DNER: variants seen among roughly 807,000 people sequenced by gnomAD.
The protein encoded by DNER is delta and Notch-like epidermal growth factor-related receptor.
A neutral mutation model predicts 78.2 loss-of-function variants in DNER; 33 were observed. That is an observed-to-expected ratio of 0.42 (90% CI 0.32 to 0.56). DNER has a LOEUF of 0.56. Ranked by LOEUF, DNER falls within the 20% of genes least tolerant of loss-of-function variation. DNER has a pLI of 0.11. For synonymous variants in DNER, 417 were observed against 384.8 expected (o/e 1.08, Z -0.98); for missense variants, 918 against 975.3 (o/e 0.94, Z 0.78).
intron 1 of DNER, among the ~76,000 whole-genome samples, chr2:229,595,618 T>C (rs1209651221): frequency 6.6e-6 from 1 of 152,184 alleles, no homozygotes; most frequent in African/African-American, 2.4e-5. Context: ...CTGTCTGTAA[T>C]GTGCCTGCCC....
chr2:229,608,655 A>C lies in DNER; in HGVS notation c.277-16767T>G, dbSNP rs568814991. Reference sequence around the variant, plus strand: ...GTGCACATTTTATGCCTATATTGTAAAAATATTTTAAGAGATGAAAGCTTA... The same window carrying C: ...GTGCACATTTTATGCCTATATTGTACAAATATTTTAAGAGATGAAAGCTTA... On this transcript the variant is annotated intron_variant, in intron 1 of 12. Transcript: ENST00000341772. 5.9e-5 allele frequency among the ~76,000 whole-genome samples: 9 copies of C among 152,314 alleles called. No homozygotes were observed. In the East Asian group the frequency reaches 1.4e-3, roughly 23 times the overall value.
At position 229,357,784 on chromosome 2, in the gene DNER, A is replaced by T. The variant is rs899814782; in HGVS notation, c.*756T>A. On this transcript the variant is annotated 3_prime_UTR_variant, in exon 13 of 13. Coordinates refer to ENST00000341772, the MANE Select transcript of DNER (RefSeq NM_139072.4). ...ACTGAAGGAACCAGTACTCTCTTACATTTACTACCTCTTAGCAACAAACAA... is the reference window on the plus strand; with the variant it reads ...ACTGAAGGAACCAGTACTCTCTTACTTTTACTACCTCTTAGCAACAAACAA... 2.0e-5 allele frequency: 3 copies of T among 152,208 alleles called. No individual in the cohort carries two copies. The highest frequency in any genetic ancestry group is 7.2e-5 in the African/African-American group (3 of 41,450). The allele number at this position is 152,208 out of a possible 1,614,324, so 9.4% of individuals were successfully genotyped here.
chr2:229,395,573 G>C (rs1246359024), intron 10 of DNER, among the ~76,000 whole-genome samples: 5 of 152,198 alleles, frequency 3.3e-5, no homozygotes, highest in African/African-American at 1.2e-4. Context: ...ACCTGCTCAA[G>C]TGTTCAGCCC....
intron 5 of DNER, among the ~76,000 whole-genome samples, chr2:229,531,147 C>T (rs1696292666): frequency 6.6e-6 from 1 of 152,204 alleles, no homozygotes; most frequent in African/African-American, 2.4e-5. Context: ...GCAGATATGT[C>T]AGCTCTGCCC....
intron 12 of DNER, among the ~76,000 whole-genome samples, chr2:229,365,952 C>T (rs1050171444): frequency 2.0e-5 from 3 of 152,198 alleles, no homozygotes; most frequent in African/African-American, 7.2e-5. Flanking sequence ...GGAACACATA[C>T]TCTGCAAAAG....
chr2:229,449,943 G>A (rs1213337123), intron 7 of DNER, among the ~76,000 whole-genome samples: 8 of 151,994 alleles, frequency 5.3e-5, no homozygotes, highest in South Asian at 4.2e-4. Context: ...CACCACGCCT[G>A]GCTAATTTTT....
chr2:229,558,185 C>T (rs1305163564), intron 4 of DNER, among the ~76,000 whole-genome samples: 1 of 152,094 alleles, frequency 6.6e-6, no homozygotes, highest in African/African-American at 2.4e-5. Context: ...GATGGGAACA[C>T]ATGGACATAT....
intron 7 of DNER, among the ~76,000 whole-genome samples, chr2:229,453,541 G>A (rs754170865): frequency 2.1e-4 from 32 of 152,186 alleles, no homozygotes; most frequent in Non-Finnish European, 4.4e-4. Flanking sequence ...AATGAACAGA[G>A]AGACAAGAAA....
At chr2:229,695,930 C>G (rs1051205825) in intron 1 of DNER, among the ~76,000 whole-genome samples, 7 of 152,138 alleles carry the variant, frequency 4.6e-5, no homozygotes, top group Admixed American at 3.3e-4. Context: ...AGATTTGTTT[C>G]TTTGTTTGTT....
rs547621063 is a variant in DNER, at chr2:229,573,076, GT to G, written c.847+12781del. ...TAAATGAGCAGATGACGTGATCCCT[GT>G]TTTTTATCATGGAATGTTCCAGAGG... On this transcript the variant is annotated intron_variant, in intron 4 of 12. Coordinates refer to ENST00000341772, the MANE Select transcript of DNER (RefSeq NM_139072.4). Among the ~76,000 whole-genome samples, 9 of 152,266 alleles carry G rather than the reference GT, an allele frequency of 5.9e-5. No individual in the cohort carries two copies. The South Asian group carries it at 1.9e-3, about 32-fold the overall frequency.
rs372402277 is a variant in DNER at position 229,550,691 on chromosome 2, G to A, written c.848-3599C>T. 5.0e-3 allele frequency among the ~76,000 whole-genome samples: 754 copies of A among 152,178 alleles called. 7 individuals are homozygous for A. The highest frequency in any genetic ancestry group is 9.8e-3 in the South Asian group (47 of 4,810). On this transcript the variant is annotated intron_variant, in intron 4 of 12. Transcript: ENST00000341772. Reference sequence around the variant, plus strand: ...CTCGGGAGGCTGAGGCAGGGGAATCGCTTGAACCGGGAGGCGGAGGTTGCA... The same window carrying A: ...CTCGGGAGGCTGAGGCAGGGGAATCACTTGAACCGGGAGGCGGAGGTTGCA...
intron 7 of DNER, among the ~76,000 whole-genome samples, chr2:229,476,175 G>A (rs1189701356): frequency 6.6e-6 from 1 of 152,116 alleles, no homozygotes; most frequent in African/African-American, 2.4e-5. Flanking sequence ...CCTGGCCCCT[G>A]CTCTGCCCAA....
At chr2:229,366,754 C>A (rs1247357754) in intron 12 of DNER, 119 bp downstream of exon 12, 6 of 1,461,956 alleles carry the variant, frequency 4.1e-6, no homozygotes, top group Non-Finnish European at 5.5e-6. Context: ...AATGTGGAAC[C>A]TATTTTCCAT....
intron 1 of DNER, among the ~76,000 whole-genome samples, chr2:229,693,079 CAT>C (rs1699607526): frequency 6.6e-6 from 1 of 151,904 alleles, no homozygotes; most frequent in Non-Finnish European, 1.5e-5. Flanking sequence ...ATAATCCCCA[CAT>C]GTCATGGGAG....
chr2:229,626,284 A>G (rs60237465), intron 1 of DNER, among the ~76,000 whole-genome samples: 3,166 of 152,262 alleles, frequency 0.021, 44 homozygotes, highest in Non-Finnish European at 0.031. Flanking sequence ...GCTAAGGGGG[A>G]AATATTGAGT....
intron 6 of DNER, among the ~76,000 whole-genome samples, chr2:229,490,387 A>ATGTAC (rs1695374068): frequency 6.6e-6 from 1 of 152,236 alleles, no homozygotes; most frequent in South Asian, 2.1e-4. Flanking sequence ...CATACAATGG[A>ATGTAC]ATATTATTCA....
intron 4 of DNER, 148 bp from the exon 5 acceptor site, chr2:229,547,240 G>C (rs1251238951): frequency 7.8e-6 from 9 of 1,146,766 alleles, no homozygotes; most frequent in Non-Finnish European, 1.1e-5. Flanking sequence ...AGTGAGGCAA[G>C]GGAATAAAGC....
intron 6 of DNER, among the ~76,000 whole-genome samples, chr2:229,511,935 G>A (rs777822433): frequency 1.3e-5 from 2 of 152,222 alleles, no homozygotes; most frequent in South Asian, 4.1e-4. Context: ...TCTTGAAGCT[G>A]CCTTGTTCAA....
At chr2:229,632,830 A>T (rs1482267194) in intron 1 of DNER, among the ~76,000 whole-genome samples, 1 of 152,210 alleles carries the variant, frequency 6.6e-6, no homozygotes, top group Non-Finnish European at 1.5e-5. Context: ...TCTTCAAAGG[A>T]TCTAAAAAGA....
Sources: allele counts gnomAD v4.1 joint callset (sites outside exome capture counted in the v4.1 genomes callset), GRCh38; gene constraint gnomAD v4.1.1; transcripts MANE v1.5; gene names NCBI Gene and HGNC (gene_info 2026-07-23, HGNC 2026-07-21).